The following ZBTB38 variants were observed in gnomAD, a reference collection of about 807,000 sequenced individuals.
The protein encoded by ZBTB38 is zinc finger and BTB domain containing 38.
ZBTB38 carries 20 observed loss-of-function variants against 76.8 expected under a neutral mutation model. The observed-to-expected ratio is 0.26, with a 90% CI of 0.18 to 0.38. The LOEUF (loss-of-function observed/expected upper bound fraction) is 0.38. Ranked by LOEUF, ZBTB38 falls within the 10% of genes least tolerant of loss-of-function variation. The pLI is 1.00. For synonymous variants in ZBTB38, 504 were observed against 544.2 expected, an observed-to-expected ratio of 0.93 and a Z score of 1.03; for missense variants, 1,082 against 1,482.3, an observed-to-expected ratio of 0.73 and a Z score of 4.43.
chr3:141,443,472 C>A lies in ZBTB38; in HGVS notation c.1084C>A (p.Gln362Lys). 1 of 1,614,234 alleles carries A rather than the reference C, an allele frequency of 6.2e-7. No homozygotes were observed. Among genetic ancestry groups the A allele is most frequent in the Admixed American group, 1.7e-5 (1 of 60,030 alleles). The change falls in exon 6 of 6, where the codon CAG (glutamine) becomes AAG (lysine). Residue 362 changes from glutamine (Q) to lysine (K), a missense_variant. Gln to Lys is a moderately conservative substitution (Grantham distance 53, BLOSUM62 1). Coordinates refer to ENST00000321464, the MANE Select transcript of ZBTB38 (RefSeq NM_001376113.1). The surrounding 1 kb of genome is among the most constrained non-coding windows in gnomAD (Gnocchi z 5.6). ...DSSTLLSAHM[Q>K]LHKPTQEPLV... ...CAGCACTCTGCTCAGTGCCCACATG[C>A]AGCTTCACAAGCCAACCCAGGAGCC...
intron 1 of ZBTB38, among the ~76,000 whole-genome samples, chr3:141,347,105 A>G (rs1943385317): frequency 6.6e-6 from 1 of 152,200 alleles, no homozygotes; most frequent in African/African-American, 2.4e-5. Context: ...TCACTGTTTC[A>G]AACGCCACAC....
chr3:141,430,666 C>T (rs901414988), intron 5 of ZBTB38, among the ~76,000 whole-genome samples: 12 of 152,080 alleles, frequency 7.9e-5, no homozygotes, highest in African/African-American at 2.4e-4. Context: ...GAGTGGGGAG[C>T]GGCAGTGCAG....
At chr3:141,368,852 C>G (rs1191792276) in intron 1 of ZBTB38, 48 bp downstream of exon 1, 1 of 152,032 alleles carries the variant, frequency 6.6e-6, no homozygotes, top group East Asian at 1.9e-4. Flanking sequence ...CGCCCTTCAC[C>G]GTAGGGCGCC....
chr3:141,409,039 A>AT lies in ZBTB38; in HGVS notation c.-1+5017dup, dbSNP rs532373078. ...GCCAAGATTGTAGAGATGGGAGTTT[A>AT]TTTTTTTTTAATTATTATTTTTTAA... On this transcript the variant is annotated intron_variant, in intron 5 of 5. Transcript: ENST00000321464. Among the ~76,000 whole-genome samples, 684 of 151,578 alleles carry AT rather than the reference A, an allele frequency of 4.5e-3. 2 individuals are homozygous for AT. The highest frequency in any genetic ancestry group is 6.0e-3 in the Non-Finnish European group (407 of 67,810).
intron 4 of ZBTB38, among the ~76,000 whole-genome samples, chr3:141,392,003 T>C (rs1407809235): frequency 6.6e-6 from 1 of 152,252 alleles, no homozygotes; most frequent in Non-Finnish European, 1.5e-5. Context: ...TTTCAGGTTA[T>C]TCTGTTGACA....
chr3:141,436,053 T>A (rs978959858), intron 5 of ZBTB38, among the ~76,000 whole-genome samples: 5 of 152,226 alleles, frequency 3.3e-5, no homozygotes, highest in Admixed American at 6.5e-5. Flanking sequence ...TATATTTCTT[T>A]TTCTGAAATC....
intron 5 of ZBTB38, chr3:141,425,990 A>G: frequency 4.8e-6 from 2 of 419,420 alleles, no homozygotes; most frequent in East Asian, 7.2e-5. Context: ...CACACAGCAC[A>G]TATATGCTTG....
chr3:141,398,638 C>T (rs1416371480), intron 4 of ZBTB38, among the ~76,000 whole-genome samples: 4 of 152,026 alleles, frequency 2.6e-5, no homozygotes, highest in African/African-American at 9.7e-5. Context: ...ATGTAAATCT[C>T]CTTCTGTATT....
intron 5 of ZBTB38, among the ~76,000 whole-genome samples, chr3:141,436,442 C>T (rs2078802125): frequency 6.6e-6 from 1 of 152,136 alleles, no homozygotes; most frequent in African/African-American, 2.4e-5. Context: ...GTCCTTTTTG[C>T]CAGGCAGGCT....
chr3:141,338,169 G>A (rs1943069781), intron 1 of ZBTB38, among the ~76,000 whole-genome samples: 1 of 152,094 alleles, frequency 6.6e-6, no homozygotes, highest in Non-Finnish European at 1.5e-5. Flanking sequence ...CAGAGAAAAG[G>A]GAACACTTAT....
chr3:141,329,264 C>T (rs192200633), intron 1 of ZBTB38, among the ~76,000 whole-genome samples: 1 of 152,278 alleles, frequency 6.6e-6, no homozygotes, highest in Non-Finnish European at 1.5e-5. Flanking sequence ...AAGGAAGGTC[C>T]CTGACTGTGT....
At chr3:141,356,695 A>G (rs963505277) in intron 1 of ZBTB38, among the ~76,000 whole-genome samples, 10 of 151,310 alleles carry the variant, frequency 6.6e-5, no homozygotes, top group African/African-American at 2.4e-4. Context: ...CTCTGGCTGT[A>G]TCAGTCCAGG....
rs892923135 is a variant in ZBTB38 at position 141,445,348 on chromosome 3, G to A, written c.2960G>A (p.Cys987Tyr). 1 of 1,614,122 alleles carries A rather than the reference G, an allele frequency of 6.2e-7. No individual in the cohort carries two copies. Among genetic ancestry groups the A allele is most frequent in the African/African-American group, 1.3e-5 (1 of 75,046 alleles). ...KEMPKLQCEL[C>Y]DGDKAVGAGN... ...ATGCCCAAGCTGCAGTGTGAACTCT[G>A]TGATGGAGACAAAGCAGTGGGGGCT... The change falls in exon 6 of 6, where the codon TGT becomes TAT. Residue 987 changes from cysteine to tyrosine, a missense_variant. Around this residue, in one of 8 missense-constraint regions of ZBTB38, gnomAD observed 471 missense variants for 581.0 expected, o/e 0.81. Coordinates refer to ENST00000321464, the MANE Select transcript of ZBTB38 (RefSeq NM_001376113.1). This position sits in a 1 kb window ranked among gnomAD's most constrained non-coding sequence, Gnocchi z 6.5.
chr3:141,326,936 T>C (rs1456506090), intron 1 of ZBTB38, among the ~76,000 whole-genome samples: 2 of 152,244 alleles, frequency 1.3e-5, no homozygotes, highest in Admixed American at 6.5e-5. Context: ...GGAGGCATCC[T>C]TCTAGGCCTG....
Position 141,446,710 on chromosome 3 carries a change from G to A in ZBTB38, c.*734G>A, listed in dbSNP as rs2151021954. ...AGAAAGCATTTTGAATATGATTTAA[G>A]AGCATGTGAATGCTTTTAGATGGAA... is the stretch of plus-strand genomic sequence containing the variant. On this transcript the variant is annotated 3_prime_UTR_variant, in exon 6 of 6. Coordinates refer to ENST00000321464, the MANE Select transcript of ZBTB38 (RefSeq NM_001376113.1). 6.5e-6 allele frequency: 1 copy of A among 152,778 alleles called. No homozygotes were observed. The highest frequency in any genetic ancestry group is 1.9e-4 in the East Asian group (1 of 5,192). The allele number at this position is 152,778 out of a possible 1,614,324, so 9.5% of individuals were successfully genotyped here.
intron 3 of ZBTB38, among the ~76,000 whole-genome samples, chr3:141,382,791 G>A (rs1337857987): frequency 1.3e-5 from 2 of 152,184 alleles, no homozygotes; most frequent in East Asian, 1.9e-4. Context: ...GAGGGTAGAG[G>A]CTGATTCATA....
intron 5 of ZBTB38, among the ~76,000 whole-genome samples, chr3:141,428,800 G>C (rs1474220964): frequency 3.9e-5 from 6 of 152,064 alleles, no homozygotes; most frequent in Non-Finnish European, 7.4e-5. Flanking sequence ...TTATGTGCCG[G>C]CCTCCACAGG....
chr3:141,446,614 TC>T lies in ZBTB38; in HGVS notation c.*640del, dbSNP rs2081114637. On this transcript the variant is annotated 3_prime_UTR_variant, in exon 6 of 6. Transcript: ENST00000321464. ...TATAAATCACTATAACTTTTAACTG[TC>T]CATATCCCCTGTAGAGAATTATGAG... 6.5e-6 allele frequency: 1 copy of T among 152,802 alleles called. No individual in the cohort carries two copies. The highest frequency in any genetic ancestry group is 2.1e-4 in the South Asian group (1 of 4,834). The allele number at this position is 152,802 out of a possible 1,614,324, so 9.5% of individuals were successfully genotyped here. A position where few individuals can be genotyped will look rare whatever the true frequency, so the allele number is the denominator to read the frequency against.
chr3:141,382,589 A>T (rs1442213769), intron 3 of ZBTB38, among the ~76,000 whole-genome samples: 2 of 152,190 alleles, frequency 1.3e-5, no homozygotes, highest in Non-Finnish European at 2.9e-5. Flanking sequence ...ATTTATTTTC[A>T]TTTATTTTGC....
Sources: gnomAD v4.1 joint callset for allele counts (sites outside exome capture counted in the v4.1 genomes callset) on GRCh38, gnomAD v4.1.1 for gene constraint, gnomAD v4.1.1 regional missense constraint, Gnocchi (gnomAD v3.1) non-coding constraint, MANE v1.5 for transcripts, NCBI Gene and HGNC (gene_info 2026-07-23, HGNC 2026-07-21) for gene names.